PTGR2: variants seen among roughly 807,000 people sequenced by gnomAD.
PTGR2 encodes prostaglandin reductase 2.
In PTGR2, 32 loss-of-function variants were observed where a neutral mutation model predicts 43.4. That is an observed-to-expected ratio of 0.74 (90% CI 0.56 to 0.99). The LOEUF (loss-of-function observed/expected upper bound fraction) is 0.99. Ranked by LOEUF, PTGR2 falls within the 50% of genes least tolerant of loss-of-function variation. The pLI is 0.00. For synonymous variants in PTGR2, 106 were observed against 139.2 expected, an observed-to-expected ratio of 0.76 and a Z score of 1.68; for missense variants, 373 against 420.0, an observed-to-expected ratio of 0.89 and a Z score of 0.98.
chr14:73,877,546 T>C (rs1274610022), intron 5 of PTGR2: 7 of 155,974 alleles, frequency 4.5e-5, no homozygotes, highest in Non-Finnish European at 1.4e-5. Context: ...ATTATAGGTG[T>C]GAGCTACCAC....
chr14:73,870,248 G>A (rs1392255068), intron 3 of PTGR2, among the ~76,000 whole-genome samples: 3 of 140,318 alleles, frequency 2.1e-5, no homozygotes, highest in African/African-American at 5.4e-5. Flanking sequence ...GCACAATCTT[G>A]GCTTACTGCC....
intron 9 of PTGR2, among the ~76,000 whole-genome samples, chr14:73,883,512 G>T (rs1180517008): frequency 6.7e-6 from 1 of 149,322 alleles, no homozygotes; most frequent in Non-Finnish European, 1.5e-5. Context: ...TTGAGACAGG[G>T]CCATGCTCTG....
chr14:73,856,497 C>T (rs572938460), intron 1 of PTGR2, among the ~76,000 whole-genome samples: 2 of 152,090 alleles, frequency 1.3e-5, no homozygotes, highest in Non-Finnish European at 2.9e-5. Flanking sequence ...GTGATCTGCC[C>T]GCCTTGGCCT....
Position 73,873,039 on chromosome 14 carries a change from G to A in PTGR2, c.157-984G>A, listed in dbSNP as rs376396517. ...TTTGAAATGTTTACAGGCCAGGCGT[G>A]GTGGCTCATGCCAGTAATCCCAGCA... On this transcript the variant is annotated intron_variant, in intron 3 of 9. Coordinates refer to ENST00000555661, the MANE Select transcript of PTGR2 (RefSeq NM_001146154.2). 5.3e-5 allele frequency among the ~76,000 whole-genome samples: 8 copies of A among 152,080 alleles called. No individual in the cohort carries two copies. In the East Asian group the frequency reaches 9.7e-4, roughly 18 times the overall value.
chr14:73,871,341 C>CTTTTTTTTTTTTTT (rs869073652), intron 3 of PTGR2, among the ~76,000 whole-genome samples: 1 of 67,878 alleles, frequency 1.5e-5, no homozygotes, highest in African/African-American at 6.0e-5. Context: ...GGCTGTTCAT[C>CTTTTTTTTTTTTTT]TTTTTTTTTT....
At chr14:73,872,111 C>T (rs760808038) in intron 3 of PTGR2, among the ~76,000 whole-genome samples, 1 of 152,094 alleles carries the variant, frequency 6.6e-6, no homozygotes, top group Non-Finnish European at 1.5e-5. Flanking sequence ...ATGATAGAGG[C>T]AAGAGTGAGC....
chr14:73,862,553 A>C (rs2054517480), intron 3 of PTGR2, among the ~76,000 whole-genome samples: 1 of 152,186 alleles, frequency 6.6e-6, no homozygotes, highest in South Asian at 2.1e-4. Flanking sequence ...TATATAAAGT[A>C]GGAAGTGAAA....
In PTGR2 at chr14:73,876,020, C is replaced by T. The variant is rs1468283839; in HGVS notation, c.349-978C>T. Among the ~76,000 whole-genome samples, 7 of 151,752 alleles carry T rather than the reference C, an allele frequency of 4.6e-5. No individual in the cohort carries two copies. The South Asian group carries it at 6.2e-4, about 14-fold the overall frequency. On this transcript the variant is annotated intron_variant, in intron 4 of 9. Coordinates refer to ENST00000555661, the MANE Select transcript of PTGR2 (RefSeq NM_001146154.2). ...ATTTTTAGTAGAGACGGGGTTTCAC[C>T]ATTTTGGCCAGGCTGGTCTTGAACT... is the stretch of plus-strand genomic sequence containing the variant.
chr14:73,873,447 C>G (rs1025114336), intron 3 of PTGR2, among the ~76,000 whole-genome samples: 1 of 151,164 alleles, frequency 6.6e-6, no homozygotes, highest in African/African-American at 2.4e-5. Context: ...TGGCAAGTTT[C>G]TTTTTTTCTT....
intron 1 of PTGR2, among the ~76,000 whole-genome samples, chr14:73,857,812 G>A (rs978747571): frequency 6.6e-6 from 1 of 151,216 alleles, no homozygotes; most frequent in Non-Finnish European, 1.5e-5. Context: ...GGGACTACAG[G>A]CTCCCGCTAC....
Position 73,881,264 on chromosome 14 carries a change from G to A in PTGR2, c.911G>A (p.Ser304Asn). 6.2e-7 allele frequency: 1 copy of A among 1,608,730 alleles called. No homozygotes were observed. Among genetic ancestry groups the A allele is most frequent in the Non-Finnish European group, 8.5e-7 (1 of 1,175,516 alleles). The change falls in exon 8 of 10, where the codon AGT (serine) becomes AAT (asparagine). Residue 304 changes from serine to asparagine, a missense_variant. By Grantham distance (46) the Ser-to-Asn change is conservative. Transcript: ENST00000555661. The stretch of plus-strand genomic sequence containing the variant: ...TTTGAGCCTGGCATTCTACAGCTGA[G>A]TCAGTGGTTTAAAGAAGGAAAGCTA... Reference protein sequence around the residue: ...DKFEPGILQLSQWFKEGKLKI... With the variant: ...DKFEPGILQLNQWFKEGKLKI...
intron 2 of PTGR2, among the ~76,000 whole-genome samples, chr14:73,859,239 C>T (rs1022797431): frequency 2.0e-5 from 3 of 151,976 alleles, no homozygotes; most frequent in African/African-American, 7.3e-5. Flanking sequence ...TTAAAATTTG[C>T]TTTTCTTTTT....
Position 73,885,659 on chromosome 14 carries a change from C to T in PTGR2, c.*1482C>T, listed in dbSNP as rs978577862. On this transcript the variant is annotated 3_prime_UTR_variant, in exon 10 of 10. Transcript: ENST00000555661. ...CTGTATGTTGCTAACTCCCAAATCT[C>T]CATCTGTATTTCTGACCTCTTTCTT... 1 of 152,244 alleles carries T rather than the reference C, an allele frequency of 6.6e-6. No individual in the cohort carries two copies. Among genetic ancestry groups the T allele is most frequent in the African/African-American group, 2.4e-5 (1 of 41,444 alleles). 9.4% of individuals were successfully genotyped at this position (152,244 alleles called of 1,614,324 possible). A position where few individuals can be genotyped will look rare whatever the true frequency, so the allele number is the denominator to read the frequency against.
intron 4 of PTGR2, among the ~76,000 whole-genome samples, chr14:73,876,499 T>TTTTTTTTTG: frequency 6.7e-6 from 1 of 149,752 alleles, no homozygotes; most frequent in Non-Finnish European, 1.5e-5. Flanking sequence ...TTTTTTTTTT[T>TTTTTTTTTG]GAGATGAAGT....
rs936882852 is a variant in PTGR2 at position 73,880,138 on chromosome 14, T to C, written c.813T>C (p.Pro271=). Residue 271 remains proline (P), a synonymous_variant, in exon 7 of 10, where the codon CCT becomes CCC. Transcript: ENST00000555661. Reference sequence around the variant, plus strand: ...TGCCTTATCCTCCCCCGCTATCCCCTGCTATAGAGGCAATCCAGAAAGAAA... The same window carrying C: ...TGCCTTATCCTCCCCCGCTATCCCCCGCTATAGAGGCAATCCAGAAAGAAA... ...KDVPYPPPLS[P]AIEAIQKERN... 6.2e-7 allele frequency: 1 copy of C among 1,614,038 alleles called. No individual in the cohort carries two copies. The highest frequency in any genetic ancestry group is 1.7e-5 in the Admixed American group (1 of 60,006).
chr14:73,880,350 A>T (rs969735451), intron 7 of PTGR2, 174 bp downstream of exon 7: 3 of 653,812 alleles, frequency 4.6e-6, no homozygotes, highest in Admixed American at 2.3e-5. Flanking sequence ...AGACGGGTGG[A>T]TTGCTTGAGG....
chr14:73,868,573 C>T (rs1286425326), intron 3 of PTGR2, among the ~76,000 whole-genome samples: 1 of 151,944 alleles, frequency 6.6e-6, no homozygotes, highest in Non-Finnish European at 1.5e-5. Flanking sequence ...ATATACAAAC[C>T]AACCAATCCA....
intron 3 of PTGR2, among the ~76,000 whole-genome samples, chr14:73,862,928 G>C (rs1300696439): frequency 2.0e-5 from 3 of 151,976 alleles, no homozygotes; most frequent in Admixed American, 2.0e-4. Context: ...GGTTGGTCTT[G>C]AACTCCTGGA....
At chr14:73,858,793 T>C in intron 1 of PTGR2, 23 bp from the exon 2 acceptor site, 8 of 1,238,004 alleles carry the variant, frequency 6.5e-6, no homozygotes, top group Non-Finnish European at 6.8e-6. Context: ...AATCTTGTGA[T>C]TTAAAAATTT....
Sources: gnomAD v4.1 joint callset for allele counts (sites outside exome capture counted in the v4.1 genomes callset) on GRCh38, gnomAD v4.1.1 for gene constraint, MANE v1.5 for transcripts, NCBI Gene and HGNC (gene_info 2026-07-23, HGNC 2026-07-21) for gene names.